FOCAD: variants seen among roughly 807,000 people sequenced by gnomAD.
The protein encoded by FOCAD is focadhesin.
In FOCAD, 198 loss-of-function variants were observed where a neutral mutation model predicts 225.6. The observed-to-expected ratio is 0.88, with a 90% CI of 0.78 to 0.99. The LOEUF (loss-of-function observed/expected upper bound fraction) is 0.99, where lower values mean the gene tolerates loss of function less well. Ranked by LOEUF, FOCAD falls within the 50% of genes least tolerant of loss-of-function variation. The pLI is 0.00. For missense variants in FOCAD, 2,713 were observed against 2,123.6 expected, an observed-to-expected ratio of 1.28 and a Z score of -5.46; for synonymous variants, 897 against 755.0, an observed-to-expected ratio of 1.19 and a Z score of -3.08.
intron 22 of FOCAD, among the ~76,000 whole-genome samples, chr9:20,909,599 T>A (rs1345101717): frequency 6.6e-6 from 1 of 152,086 alleles, no homozygotes; most frequent in Non-Finnish European, 1.5e-5. Context: ...TTACTTTGTA[T>A]TTCTAGTAAG....
At chr9:20,848,473 T>A (rs948033937) in intron 15 of FOCAD, among the ~76,000 whole-genome samples, 1 of 151,974 alleles carries the variant, frequency 6.6e-6, no homozygotes, top group Non-Finnish European at 1.5e-5. Flanking sequence ...ATTTTATTGC[T>A]GGCTTTGGGG....
At chr9:20,944,475 A>C in intron 28 of FOCAD, 152 bp from the exon 29 acceptor site, 1 of 742,040 alleles carries the variant, frequency 1.3e-6, no homozygotes, top group Non-Finnish European at 2.2e-6. Context: ...TGTACTTGTC[A>C]TGGATGATGG....
At chr9:20,944,015 C>T (rs985407312) in intron 28 of FOCAD, among the ~76,000 whole-genome samples, 2 of 152,224 alleles carry the variant, frequency 1.3e-5, no homozygotes, top group Admixed American at 6.5e-5. Flanking sequence ...TCCATTTTCT[C>T]TTCTGACCCA....
At chr9:20,818,856 C>T (rs1824015172) in intron 11 of FOCAD, among the ~76,000 whole-genome samples, 1 of 151,952 alleles carries the variant, frequency 6.6e-6, no homozygotes, top group Admixed American at 6.6e-5. Context: ...TTTAGGGTTC[C>T]TTGCTTTTAC....
chr9:20,800,491 G>C (rs1821676356), intron 11 of FOCAD, among the ~76,000 whole-genome samples: 1 of 152,078 alleles, frequency 6.6e-6, no homozygotes, highest in Admixed American at 6.5e-5. Context: ...ACACCAATCA[G>C]ATGTAAATTT....
At chr9:20,726,477 G>A (rs368792419) in intron 4 of FOCAD, 3 of 152,286 alleles carry the variant, frequency 2.0e-5, no homozygotes, top group South Asian at 2.1e-4. Flanking sequence ...CACTTGATTT[G>A]TATGCCTTTT....
In FOCAD at chr9:20,988,395, A is replaced by T; in HGVS notation, c.4970A>T (p.Gln1657Leu). The T allele has an allele frequency of 6.2e-7, 1 of 1,611,214 alleles. No individual in the cohort carries two copies. Among genetic ancestry groups the T allele is most frequent in the Non-Finnish European group, 8.5e-7 (1 of 1,178,046 alleles). ...GGTTATATTAGAAATGTTGCTTACCAGTCAACATCCTTTCACAATACGGCT... is the reference window on the plus strand; with the variant it reads ...GGTTATATTAGAAATGTTGCTTACCTGTCAACATCCTTTCACAATACGGCT... Reference protein sequence around the residue: ...LMGYIRNVAYQSTSFHNTALD... With the variant: ...LMGYIRNVAYLSTSFHNTALD... The change falls in exon 41 of 44, where the codon CAG (glutamine) becomes CTG (leucine). Residue 1657 changes from glutamine to leucine, a missense_variant. Gln to Leu is a moderately radical substitution (Grantham distance 113, BLOSUM62 -2). Transcript: ENST00000338382.
At chr9:20,731,189 G>C (rs1826659206) in intron 4 of FOCAD, among the ~76,000 whole-genome samples, 1 of 152,178 alleles carries the variant, frequency 6.6e-6, no homozygotes, top group Non-Finnish European at 1.5e-5. Context: ...AGTGAGCCAA[G>C]ATCGTGCCAC....
chr9:20,835,379 G>A (rs1825896740), intron 15 of FOCAD, among the ~76,000 whole-genome samples: 1 of 152,022 alleles, frequency 6.6e-6, no homozygotes, highest in Admixed American at 6.6e-5. Context: ...TCTTTCATTT[G>A]ACTATAATTC....
At chr9:20,754,618 T>C (rs1293899412) in intron 5 of FOCAD, among the ~76,000 whole-genome samples, 3 of 152,108 alleles carry the variant, frequency 2.0e-5, no homozygotes, top group Non-Finnish European at 4.4e-5. Context: ...ATAGTGCTTG[T>C]CATTTACTCA....
At chr9:20,830,976 G>T (rs929791536) in intron 15 of FOCAD, among the ~76,000 whole-genome samples, 1 of 152,000 alleles carries the variant, frequency 6.6e-6, no homozygotes, top group East Asian at 1.9e-4. Flanking sequence ...CTCATGCCTG[G>T]CCTATGACTA....
At chr9:20,733,419 A>G (rs1247067460) in intron 4 of FOCAD, among the ~76,000 whole-genome samples, 1 of 152,022 alleles carries the variant, frequency 6.6e-6, no homozygotes, top group African/African-American at 2.4e-5. Context: ...GGTTAGTTAC[A>G]TATGTACACA....
At position 20,709,290 on chromosome 9, in the gene FOCAD, G is replaced by A. The variant is rs189728882; in HGVS notation, c.-32-6032G>A. ...ACAGACAAAAAAGGCATATTGAAAG[G>A]TTGGAGATAAATCTTTGAAAATCAA... On this transcript the variant is annotated intron_variant, in intron 1 of 43. Transcript: ENST00000338382. 4.5e-4 allele frequency among the ~76,000 whole-genome samples: 69 copies of A among 152,220 alleles called. No homozygotes were observed. In the East Asian group the frequency reaches 0.011, roughly 25 times the overall value.
At chr9:20,752,372 C>T (rs1337890747) in intron 5 of FOCAD, among the ~76,000 whole-genome samples, 2 of 151,320 alleles carry the variant, frequency 1.3e-5, no homozygotes, top group Non-Finnish European at 3.0e-5. Flanking sequence ...CAGCTTTCTC[C>T]ATATGGCTAG....
At chr9:20,774,558 TTTTC>T (rs1244343205) in intron 8 of FOCAD, among the ~76,000 whole-genome samples, 6 of 151,376 alleles carry the variant, frequency 4.0e-5, no homozygotes, top group East Asian at 3.8e-4. Context: ...TCTTTTGCCT[TTTTC>T]TTTATTTACT....
Position 20,978,346 on chromosome 9 carries a change from G to C in FOCAD, c.4269G>C (p.Glu1423Asp). The C allele has an allele frequency of 6.2e-7, 1 of 1,600,616 alleles. No individual in the cohort carries two copies. Among genetic ancestry groups the C allele is most frequent in the Non-Finnish European group, 8.5e-7 (1 of 1,171,960 alleles). ...TCCTTTCTTGACTTTCAGGTGAAGAGATCCAGCAACTGTGCCTTGAAATTA... is the reference window on the plus strand; with the variant it reads ...TCCTTTCTTGACTTTCAGGTGAAGACATCCAGCAACTGTGCCTTGAAATTA... ...SPLMRLNFGE[E>D]IQQLCLEIMV... Residue 1423 changes from glutamate to aspartate, a missense_variant, in exon 37 of 44, where the codon GAG becomes GAC. Glu to Asp is a conservative substitution (Grantham distance 45). Transcript: ENST00000338382.
intron 6 of FOCAD, among the ~76,000 whole-genome samples, chr9:20,758,928 A>G (rs552799910): frequency 8.5e-5 from 13 of 152,344 alleles, no homozygotes; most frequent in African/African-American, 3.1e-4. Context: ...GTCTCAGGAT[A>G]CAAACTCAAT....
At chr9:20,936,314 A>G (rs907613342) in intron 28 of FOCAD, among the ~76,000 whole-genome samples, 6 of 152,246 alleles carry the variant, frequency 3.9e-5, no homozygotes, top group African/African-American at 1.4e-4. Context: ...CTACATTCAT[A>G]CTTTCTATCT....
intron 24 of FOCAD, among the ~76,000 whole-genome samples, chr9:20,917,577 G>C (rs935047306): frequency 6.6e-6 from 1 of 152,010 alleles, no homozygotes; most frequent in Non-Finnish European, 1.5e-5. Context: ...CTGGCAGTAA[G>C]TTACATGCCA....
Sources: allele counts gnomAD v4.1 joint callset (sites outside exome capture counted in the v4.1 genomes callset), GRCh38; gene constraint gnomAD v4.1.1; transcripts MANE v1.5; gene names NCBI Gene and HGNC (gene_info 2026-07-23, HGNC 2026-07-21).